TMEM132D: variants seen among roughly 807,000 people sequenced by gnomAD.
TMEM132D encodes the protein transmembrane protein 132D.
TMEM132D carries 21 observed loss-of-function variants against 62.3 expected under a neutral mutation model. The observed-to-expected ratio is 0.34, with a 90% CI of 0.24 to 0.49. TMEM132D has a LOEUF of 0.49. Ranked by LOEUF, TMEM132D falls within the 20% of genes least tolerant of loss-of-function variation. TMEM132D has a pLI of 0.99. For missense variants in TMEM132D, 1,346 were observed against 1,402.8 expected, an observed-to-expected ratio of 0.96 and a Z score of 0.65; for synonymous variants, 621 against 575.6, an observed-to-expected ratio of 1.08 and a Z score of -1.13.
chr12:129,119,020 G>A (rs1252330095), intron 5 of TMEM132D, among the ~76,000 whole-genome samples: 2 of 152,210 alleles, frequency 1.3e-5, no homozygotes, highest in African/African-American at 2.4e-5. Flanking sequence ...CTTCTCAAGA[G>A]AGGGGCAATG....
intron 2 of TMEM132D, among the ~76,000 whole-genome samples, chr12:129,549,839 C>T (rs557728997): frequency 2.6e-5 from 4 of 152,296 alleles, no homozygotes; most frequent in African/African-American, 4.8e-5. Flanking sequence ...CTCAGAGGTG[C>T]CTGCTCTGTT....
At chr12:129,799,179 C>T (rs905690983) in intron 1 of TMEM132D, among the ~76,000 whole-genome samples, 2 of 152,080 alleles carry the variant, frequency 1.3e-5, no homozygotes, top group African/African-American at 4.8e-5. Context: ...GCAGGAGAAT[C>T]ACTTGAACCT....
chr12:129,081,012 G>T (rs568598084), intron 7 of TMEM132D, among the ~76,000 whole-genome samples: 1 of 152,238 alleles, frequency 6.6e-6, no homozygotes, highest in South Asian at 2.1e-4. Flanking sequence ...TCAGGCCCGC[G>T]GCTGTGACTC....
intron 4 of TMEM132D, among the ~76,000 whole-genome samples, chr12:129,249,650 A>T (rs985344847): frequency 6.6e-6 from 1 of 152,210 alleles, no homozygotes; most frequent in Non-Finnish European, 1.5e-5. Flanking sequence ...GCTCCTGCCC[A>T]AGGGAGATTT....
intron 3 of TMEM132D, among the ~76,000 whole-genome samples, chr12:129,516,240 G>T (rs922034840): frequency 6.6e-6 from 1 of 152,168 alleles, no homozygotes; most frequent in Non-Finnish European, 1.5e-5. Context: ...CACTCCAGGG[G>T]ATCTGACCCA....
At chr12:129,183,847 C>T (rs2135552438) in intron 5 of TMEM132D, among the ~76,000 whole-genome samples, 1 of 152,104 alleles carries the variant, frequency 6.6e-6, no homozygotes, top group African/African-American at 2.4e-5. Context: ...GGTGGCTGTC[C>T]CCTTGGATAG....
chr12:129,238,102 C>T (rs1879833574), intron 4 of TMEM132D, among the ~76,000 whole-genome samples: 1 of 152,104 alleles, frequency 6.6e-6, no homozygotes, highest in Non-Finnish European at 1.5e-5. Flanking sequence ...TGTCTCTTCC[C>T]CTGTCCTAGT....
intron 5 of TMEM132D, among the ~76,000 whole-genome samples, chr12:129,087,691 C>T (rs868476445): frequency 2.6e-5 from 4 of 152,306 alleles, no homozygotes; most frequent in South Asian, 2.1e-4. Context: ...ACCTTGATGT[C>T]GGCCCAGTGG....
intron 3 of TMEM132D, among the ~76,000 whole-genome samples, chr12:129,395,474 T>G (rs1871396226): frequency 6.6e-6 from 1 of 152,116 alleles, no homozygotes; most frequent in Non-Finnish European, 1.5e-5. Context: ...ATGAATATTT[T>G]TGTAATGTTC....
Position 129,690,819 on chromosome 12 carries a change from C to A in TMEM132D, c.968+8991G>T, listed in dbSNP as rs189942121. On this transcript the variant is annotated intron_variant, in intron 2 of 8. Coordinates refer to ENST00000422113, the MANE Select transcript of TMEM132D (RefSeq NM_133448.3). ...AGAAAATCAGTAAGGATGTAGATGA[C>A]CTGAACCCACTATCAATCAACTTGA... Among the ~76,000 whole-genome samples, 232 of 152,234 alleles carry A rather than the reference C, an allele frequency of 1.5e-3. 1 individual carries two copies. Among genetic ancestry groups the A allele is most frequent in the African/African-American group, 5.4e-3 (224 of 41,562 alleles).
At chr12:129,362,459 G>A (rs2135675134) in intron 3 of TMEM132D, among the ~76,000 whole-genome samples, 1 of 125,790 alleles carries the variant, frequency 7.9e-6, no homozygotes, top group Non-Finnish European at 1.5e-5. Context: ...CACGTGAGCT[G>A]GAATCTCTGC....
intron 2 of TMEM132D, among the ~76,000 whole-genome samples, chr12:129,564,485 T>C (rs185192552): frequency 1.6e-4 from 24 of 152,286 alleles, no homozygotes; most frequent in Admixed American, 3.3e-4. Context: ...AAGCCCACAG[T>C]CTCCTTGGAC....
At chr12:129,252,116 A>G (rs1183439179) in intron 4 of TMEM132D, among the ~76,000 whole-genome samples, 1 of 152,224 alleles carries the variant, frequency 6.6e-6, no homozygotes, top group East Asian at 1.9e-4. Flanking sequence ...TAATTTGTGT[A>G]TCTGGATCTA....
intron 2 of TMEM132D, among the ~76,000 whole-genome samples, chr12:129,578,972 C>T (rs575140569): frequency 2.0e-4 from 30 of 152,282 alleles, no homozygotes; most frequent in Admixed American, 4.6e-4. Context: ...GGGCATCCCA[C>T]AGTCCAGTCA....
intron 3 of TMEM132D, among the ~76,000 whole-genome samples, chr12:129,359,118 T>C (rs1870167283): frequency 6.6e-6 from 1 of 152,188 alleles, no homozygotes; most frequent in African/African-American, 2.4e-5. Context: ...TTCCGAGTCA[T>C]AGTACTGCAT....
At chr12:129,695,765 T>C (rs1253364191) in intron 2 of TMEM132D, among the ~76,000 whole-genome samples, 1 of 152,200 alleles carries the variant, frequency 6.6e-6, no homozygotes, top group Non-Finnish European at 1.5e-5. Flanking sequence ...GCAGCTTATG[T>C]GCGGATAACG....
At chr12:129,232,201 G>C (rs1879661480) in intron 4 of TMEM132D, among the ~76,000 whole-genome samples, 2 of 152,158 alleles carry the variant, frequency 1.3e-5, no homozygotes, top group Admixed American at 1.3e-4. Flanking sequence ...GCACCACTGA[G>C]AGTGAGTTTT....
At chr12:129,748,866 T>C (rs1471890539) in intron 1 of TMEM132D, among the ~76,000 whole-genome samples, 2 of 152,188 alleles carry the variant, frequency 1.3e-5, no homozygotes, top group East Asian at 1.9e-4. Flanking sequence ...AAGGCTCATG[T>C]TCACTGTACT....
chr12:129,438,442 A>G (rs1264097306), intron 3 of TMEM132D, among the ~76,000 whole-genome samples: 1 of 152,256 alleles, frequency 6.6e-6, no homozygotes, highest in East Asian at 1.9e-4. Context: ...CAACAACAAC[A>G]AAATGAAAAT....
Sources: allele counts gnomAD v4.1 joint callset (sites outside exome capture counted in the v4.1 genomes callset), GRCh38; gene constraint gnomAD v4.1.1; transcripts MANE v1.5; gene names NCBI Gene and HGNC (gene_info 2026-07-23, HGNC 2026-07-21).